FAM178B: variants seen among roughly 807,000 people sequenced by gnomAD.
The protein encoded by FAM178B is protein FAM178B.
In FAM178B, 82 loss-of-function variants were observed where a neutral mutation model predicts 91.7. The ratio of observed to expected loss-of-function variants is 0.89; its 90% CI spans 0.75 to 1.07. The LOEUF is 1.07. Among genes scored for constraint, FAM178B ranks in the 50% least tolerant of loss-of-function variants. The probability of loss-of-function intolerance (pLI) is 0.00; values close to 1 mark genes in which losing one functional copy is unlikely to be tolerated. For missense variants in FAM178B, 769 were observed against 846.7 expected (o/e 0.91, Z 1.14); for synonymous variants, 368 against 359.4 (o/e 1.02, Z -0.27).
intron 13 of FAM178B, among the ~76,000 whole-genome samples, chr2:96,894,554 C>T: frequency 8.6e-6 from 1 of 116,752 alleles, no homozygotes; most frequent in South Asian, 3.2e-4. Context: ...ATCCCCAGAC[C>T]CCCACACACC....
intron 8 of FAM178B, among the ~76,000 whole-genome samples, chr2:96,942,768 A>G (rs2081755581): frequency 1.3e-5 from 2 of 152,246 alleles, no homozygotes; most frequent in African/African-American, 4.8e-5. Context: ...CTATAGTAAT[A>G]ACAAATTTAG....
intron 7 of FAM178B, 30 bp from the exon 8 acceptor site, chr2:96,947,932 A>C: frequency 3.2e-6 from 4 of 1,245,200 alleles, no homozygotes; most frequent in Non-Finnish European, 3.4e-6. Context: ...AAAAACAAAA[A>C]CCTGGTGAGC....
At chr2:96,909,711 T>C (rs983559928) in intron 12 of FAM178B, among the ~76,000 whole-genome samples, 24 of 152,122 alleles carry the variant, frequency 1.6e-4, no homozygotes, top group African/African-American at 5.6e-4. Flanking sequence ...CCAGATCCTG[T>C]TCTTAATTGT....
At chr2:96,977,194 CAAAAA>C (rs70964891) in intron 1 of FAM178B, among the ~76,000 whole-genome samples, 3 of 38,520 alleles carry the variant, frequency 7.8e-5, no homozygotes, top group East Asian at 6.3e-4. Flanking sequence ...GACTCTGTCT[CAAAAA>C]AAAAAAAAAA....
At position 96,972,618 on chromosome 2, in the gene FAM178B, C is replaced by T. The variant is rs752910662; in HGVS notation, c.74-12G>A. On this transcript the variant is annotated splice_polypyrimidine_tract_variant and intron_variant, in intron 1 of 16. Coordinates refer to ENST00000490605, the MANE Select transcript of FAM178B (RefSeq NM_001122646.3). ...GTGGGACATCTGTCCTGGAAGGAAG[C>T]GCCTGTGAGGGCAGGTGAACCTCCA... The T allele has an allele frequency of 4.1e-5, 64 of 1,550,750 alleles. No homozygotes were observed. The highest frequency in any genetic ancestry group is 5.1e-5 in the Non-Finnish European group (59 of 1,146,770).
chr2:96,972,488 C>T (rs750098866), intron 2 of FAM178B, 50 bp downstream of exon 2: 9 of 1,537,464 alleles, frequency 5.9e-6, no homozygotes, highest in Non-Finnish European at 7.0e-6. Context: ...CACTTCCTCT[C>T]GCCCCCAAAC....
At chr2:96,964,638 A>G (rs111285590) in intron 5 of FAM178B, among the ~76,000 whole-genome samples, 1 of 97,578 alleles carries the variant, frequency 1.0e-5, no homozygotes, top group Non-Finnish European at 2.3e-5. Flanking sequence ...CTGTTACTCT[A>G]TCAAAGAAAG....
At chr2:96,945,650 T>A (rs1030070897) in intron 8 of FAM178B, among the ~76,000 whole-genome samples, 1 of 152,162 alleles carries the variant, frequency 6.6e-6, no homozygotes, top group Admixed American at 6.5e-5. Flanking sequence ...TCTCAGACAC[T>A]CAGAGCCCTA....
At chr2:96,916,592 C>G (rs1474418114) in intron 12 of FAM178B, among the ~76,000 whole-genome samples, 1 of 152,216 alleles carries the variant, frequency 6.6e-6, no homozygotes, top group African/African-American at 2.4e-5. Context: ...CTTCCCAAAG[C>G]TGCCTGAGCT....
intron 8 of FAM178B, among the ~76,000 whole-genome samples, chr2:96,940,329 T>G (rs2081706025): frequency 6.6e-6 from 1 of 152,162 alleles, no homozygotes; most frequent in African/African-American, 2.4e-5. Context: ...GACCTGCAGA[T>G]GAGAAGGTCG....
intron 8 of FAM178B, among the ~76,000 whole-genome samples, chr2:96,934,114 G>A (rs1240327715): frequency 2.6e-5 from 4 of 152,202 alleles, no homozygotes; most frequent in African/African-American, 9.7e-5. Flanking sequence ...GGGACCCAGT[G>A]GTGAACAAAA....
chr2:96,878,620 T>C, intron 14 of FAM178B, 127 bp from the exon 15 acceptor site: 1 of 794,264 alleles, frequency 1.3e-6, no homozygotes, highest in Non-Finnish European at 2.1e-6. Context: ...ACCCCTAGGC[T>C]TTCAGCAACA....
chr2:96,910,550 T>C (rs946040599), intron 12 of FAM178B, among the ~76,000 whole-genome samples: 7 of 152,182 alleles, frequency 4.6e-5, no homozygotes, highest in African/African-American at 1.7e-4. Context: ...GCTTCAAAAG[T>C]AACTACACAG....
At chr2:96,912,460 G>T (rs1273719599) in intron 12 of FAM178B, among the ~76,000 whole-genome samples, 1 of 151,940 alleles carries the variant, frequency 6.6e-6, no homozygotes, top group Non-Finnish European at 1.5e-5. Context: ...GGTGGGGGAG[G>T]GGTATCCCTG....
chr2:96,925,433 A>G (rs949176457), intron 9 of FAM178B, among the ~76,000 whole-genome samples: 21 of 152,204 alleles, frequency 1.4e-4, no homozygotes, highest in Admixed American at 7.2e-4. Context: ...GGGTCCTCTA[A>G]TCCTCGCTTT....
intron 5 of FAM178B, among the ~76,000 whole-genome samples, chr2:96,961,060 G>A (rs1296268811): frequency 6.6e-6 from 1 of 152,134 alleles, no homozygotes; most frequent in Non-Finnish European, 1.5e-5. Context: ...CAGATCCTGG[G>A]CCCGGTCCGG....
chr2:96,910,186 A>G (rs919591106), intron 12 of FAM178B, among the ~76,000 whole-genome samples: 9 of 152,144 alleles, frequency 5.9e-5, no homozygotes, highest in Non-Finnish European at 1.2e-4. Context: ...TGTGCTCCCA[A>G]GCCGGAATCC....
intron 1 of FAM178B, among the ~76,000 whole-genome samples, chr2:96,979,888 T>C (rs2082339481): frequency 6.6e-6 from 1 of 152,240 alleles, no homozygotes; most frequent in South Asian, 2.1e-4. Context: ...CTACATATCA[T>C]ATTGATGGGT....
At chr2:96,884,805 G>A in intron 14 of FAM178B, among the ~76,000 whole-genome samples, 1 of 152,360 alleles carries the variant, frequency 6.6e-6, no homozygotes, top group East Asian at 1.9e-4. Context: ...CACTAAAGAA[G>A]GAAGCAGAGG....
Sources: allele counts gnomAD v4.1 joint callset (sites outside exome capture counted in the v4.1 genomes callset), GRCh38; gene constraint gnomAD v4.1.1; transcripts MANE v1.5; gene names NCBI Gene and HGNC (gene_info 2026-07-23, HGNC 2026-07-21).